Variants in NUP107 observed in about 807,000 individuals in gnomAD.
NUP107 encodes the protein nucleoporin 107, also known as nuclear pore complex protein Nup107.
A neutral mutation model predicts 141.0 loss-of-function variants in NUP107; 101 were observed. The observed-to-expected ratio is 0.72, with a 90% confidence interval of 0.61 to 0.84. NUP107 has a LOEUF of 0.84. Among genes scored for constraint, NUP107 ranks in the 40% least tolerant of loss-of-function variants. The pLI is 0.00. For synonymous variants in NUP107, 319 were observed against 363.9 expected (o/e 0.88, Z 1.41); for missense variants, 941 against 1,102.7 (o/e 0.85, Z 2.08).
intron 4 of NUP107, among the ~76,000 whole-genome samples, chr12:68,691,527 C>G (rs530558555): frequency 6.6e-6 from 1 of 152,204 alleles, no homozygotes; most frequent in African/African-American, 2.4e-5. Flanking sequence ...ATGACTTCAC[C>G]TAAGTATTAA....
Position 68,687,059 on chromosome 12 carries a change from T to A in NUP107, c.-7T>A. On this transcript the variant is annotated 5_prime_UTR_variant, in exon 1 of 28. Transcript: ENST00000229179. ...AACTTTGGTTGTGTGTGGAAAAGGC[T>A]TTAGCCATGGACAGGTCAGTACTGA... 1 of 1,614,176 alleles carries A rather than the reference T, an allele frequency of 6.2e-7. No homozygotes were observed. The highest frequency in any genetic ancestry group is 8.5e-7 in the Non-Finnish European group (1 of 1,179,992).
intron 17 of NUP107, among the ~76,000 whole-genome samples, chr12:68,725,186 G>A (rs1383069016): frequency 1.3e-5 from 2 of 151,902 alleles, no homozygotes; most frequent in East Asian, 1.9e-4. Context: ...ATTAAAATAC[G>A]TTTGACAACA....
chr12:68,706,471 G>C (rs1207751699), intron 8 of NUP107: 5 of 720,178 alleles, frequency 6.9e-6, no homozygotes, highest in Non-Finnish European at 1.3e-5. Flanking sequence ...CTGAGGCTGA[G>C]AGCATGAGAT....
chr12:68,706,567 A>G, intron 8 of NUP107: 1 of 680,410 alleles, frequency 1.5e-6, no homozygotes. Context: ...ATGAACAGGA[A>G]CATCAGTCGG....
rs915175744 is a variant in NUP107, at chr12:68,745,740, A to G, written c.*3278A>G. 1.3e-5 allele frequency: 2 copies of G among 152,284 alleles called. No individual in the cohort carries two copies. The highest frequency in any genetic ancestry group is 1.9e-4 in the East Asian group (1 of 5,202). The allele number at this position is 152,284 out of a possible 1,614,324, so 9.4% of individuals were successfully genotyped here. On this transcript the variant is annotated 3_prime_UTR_variant, in exon 28 of 28. Coordinates refer to ENST00000229179, the MANE Select transcript of NUP107 (RefSeq NM_020401.4). ...TCTAAGGAGAAACCCTTGTAGTTAT[A>G]CCCGATGATGCTGTCTGTTGGAAAG...
intron 22 of NUP107, 80 bp downstream of exon 22, chr12:68,731,799 G>A (rs1481923865): frequency 2.2e-5 from 17 of 763,706 alleles, no homozygotes; most frequent in East Asian, 9.1e-5. Flanking sequence ...TTCTCCCTTC[G>A]TAAAAGAAGT....
intron 11 of NUP107, among the ~76,000 whole-genome samples, chr12:68,715,268 G>C (rs534947127): frequency 5.3e-5 from 8 of 152,202 alleles, no homozygotes; most frequent in Non-Finnish European, 2.9e-5. Flanking sequence ...GGCCGAGGTG[G>C]GTGGATCATG....
At chr12:68,741,302 T>A (rs1201324182) in intron 26 of NUP107, among the ~76,000 whole-genome samples, 1 of 152,154 alleles carries the variant, frequency 6.6e-6, no homozygotes, top group Non-Finnish European at 1.5e-5. Context: ...TATTCAAATC[T>A]ATAGGTTCTG....
intron 1 of NUP107, 181 bp downstream of exon 1, chr12:68,687,254 C>A: frequency 2.3e-6 from 2 of 865,954 alleles, no homozygotes; most frequent in Non-Finnish European, 3.5e-6. Flanking sequence ...TGGCGTGCGT[C>A]GGGGTGGGGT....
At chr12:68,728,984 T>G (rs898294366) in intron 20 of NUP107, among the ~76,000 whole-genome samples, 1 of 152,156 alleles carries the variant, frequency 6.6e-6, no homozygotes, top group South Asian at 2.1e-4. Context: ...TTGGGAGAAC[T>G]TCCAGTATCA....
rs758312009 is a variant in NUP107 at position 68,742,468 on chromosome 12, T to G, written c.*6T>G. On this transcript the variant is annotated 3_prime_UTR_variant, in exon 28 of 28. Coordinates refer to ENST00000229179, the MANE Select transcript of NUP107 (RefSeq NM_020401.4). ...GGTATGAAATTCAGTTATAGTTTAA[T>G]CTTTGTAATCTCACTAATTTTCATG... 2 of 1,362,072 alleles carry G rather than the reference T, an allele frequency of 1.5e-6. No homozygotes were observed. Among genetic ancestry groups the G allele is most frequent in the East Asian group, 2.4e-5 (1 of 41,632 alleles). 84.4% of individuals were successfully genotyped at this position (1,362,072 alleles called of 1,614,324 possible). A position where few individuals can be genotyped will look rare whatever the true frequency, so the allele number is the denominator to read the frequency against.
chr12:68,688,878 C>G (rs1875636659), intron 1 of NUP107, 84 bp from the exon 2 acceptor site: 4 of 977,240 alleles, frequency 4.1e-6, no homozygotes, highest in Non-Finnish European at 6.3e-6. Flanking sequence ...TACTCAGGGT[C>G]CTTTACTCCA....
chr12:68,695,347 C>T (rs1875999816), intron 5 of NUP107, among the ~76,000 whole-genome samples: 1 of 152,112 alleles, frequency 6.6e-6, no homozygotes, highest in African/African-American at 2.4e-5. Flanking sequence ...TTCATAGTAG[C>T]CAAAAGGTAG....
chr12:68,715,517 A>G (rs1180412405), intron 11 of NUP107, 110 bp from the exon 12 acceptor site: 1 of 684,356 alleles, frequency 1.5e-6, no homozygotes, highest in Non-Finnish European at 2.6e-6. Context: ...GAAAAAATGA[A>G]TTTATTTGTG....
chr12:68,714,035 C>T, intron 11 of NUP107: 1 of 463,914 alleles, frequency 2.2e-6, no homozygotes, highest in Non-Finnish European at 3.7e-6. Context: ...CTTAACTTGA[C>T]AGCATTAAAA....
intron 21 of NUP107, 98 bp from the exon 22 acceptor site, chr12:68,731,509 A>T (rs1235705088): frequency 1.5e-6 from 1 of 646,112 alleles, no homozygotes; most frequent in Non-Finnish European, 2.4e-6. Flanking sequence ...ATTTTTAAGG[A>T]ATTACTGTTC....
At chr12:68,701,724 G>A (rs1328587289) in intron 7 of NUP107, among the ~76,000 whole-genome samples, 2 of 151,986 alleles carry the variant, frequency 1.3e-5, no homozygotes, top group African/African-American at 4.8e-5. Context: ...AACCATTTGT[G>A]TATATTCATT....
Position 68,741,900 on chromosome 12 carries a change from A to C in NUP107, c.2590A>C (p.Ile864Leu), listed in dbSNP as rs201652155. 4.3e-6 allele frequency: 7 copies of C among 1,614,036 alleles called. No individual in the cohort carries two copies. The highest frequency in any genetic ancestry group is 3.3e-5 in the Admixed American group (2 of 60,026). The stretch of plus-strand genomic sequence containing the variant: ...AATGTTGTGTTTTCTGCTTCATACG[A>C]TATTGCACAGTACTGGTCAGTATCA... ...LPMLCFLLHT[I>L]LHSTGQYQEC... Residue 864 changes from isoleucine (I) to leucine (L), a missense_variant, in exon 27 of 28, where the codon ATA becomes CTA. Ile to Leu is a conservative substitution (Grantham distance 5). Coordinates refer to ENST00000229179, the MANE Select transcript of NUP107 (RefSeq NM_020401.4).
At chr12:68,704,178 A>G (rs903643011) in intron 8 of NUP107, among the ~76,000 whole-genome samples, 1 of 152,222 alleles carries the variant, frequency 6.6e-6, no homozygotes, top group Non-Finnish European at 1.5e-5. Flanking sequence ...CTTAGGATTC[A>G]ATGCTGTCTT....
Sources: allele counts gnomAD v4.1 joint callset (sites outside exome capture counted in the v4.1 genomes callset), GRCh38; gene constraint gnomAD v4.1.1; transcripts MANE v1.5; gene names NCBI Gene and HGNC (gene_info 2026-07-23, HGNC 2026-07-21).